The following TRIM44 variants were observed in gnomAD, a reference collection of about 807,000 sequenced individuals.
TRIM44 encodes tripartite motif-containing protein 44.
Under a neutral mutation model 37.4 loss-of-function variants are expected in TRIM44, and 13 were observed. The ratio of observed to expected loss-of-function variants is 0.35; its 90% CI spans 0.23 to 0.55. The LOEUF (loss-of-function observed/expected upper bound fraction) is 0.55, where lower values mean the gene tolerates loss of function less well. Ranked by LOEUF, TRIM44 falls within the 20% of genes least tolerant of loss-of-function variation. The pLI, the probability that TRIM44 is intolerant of heterozygous loss-of-function variation, is 0.89. For missense variants in TRIM44, 426 were observed against 437.2 expected, an observed-to-expected ratio of 0.97 and a Z score of 0.23; for synonymous variants, 175 against 157.2, an observed-to-expected ratio of 1.11 and a Z score of -0.85.
chr11:35,780,960 C>A (rs1032080216), intron 4 of TRIM44, among the ~76,000 whole-genome samples: 3 of 152,136 alleles, frequency 2.0e-5, no homozygotes, highest in Non-Finnish European at 2.9e-5. Flanking sequence ...GAATTTAACT[C>A]TAGTGGGAAG....
intron 4 of TRIM44, among the ~76,000 whole-genome samples, chr11:35,780,606 A>G (rs1257709060): frequency 6.6e-6 from 1 of 152,214 alleles, no homozygotes; most frequent in African/African-American, 2.4e-5. Context: ...CACTAAACAG[A>G]TGACAAACCG....
rs377765849 is a variant in TRIM44 at position 35,807,695 on chromosome 11, G to T, written c.*1310G>T. On this transcript the variant is annotated 3_prime_UTR_variant, in exon 5 of 5. Coordinates refer to ENST00000299413, the MANE Select transcript of TRIM44 (RefSeq NM_017583.6). Reference sequence around the variant, plus strand: ...ATTTTTATATAAAAGTTATATTATAGAATAAAATGTTCATACGCATAGACT... The same window carrying T: ...ATTTTTATATAAAAGTTATATTATATAATAAAATGTTCATACGCATAGACT... 5 of 152,160 alleles carry T rather than the reference G, an allele frequency of 3.3e-5. No individual in the cohort carries two copies. The East Asian group carries it at 9.6e-4, about 29-fold the overall frequency. The allele number at this position is 152,160 out of a possible 1,614,324, so 9.4% of individuals were successfully genotyped here.
At chr11:35,792,037 G>T (rs1157917495) in intron 4 of TRIM44, among the ~76,000 whole-genome samples, 1 of 148,306 alleles carries the variant, frequency 6.7e-6, no homozygotes, top group Admixed American at 6.9e-5. Context: ...TTAAGAGGTA[G>T]ATCTTAATAC....
intron 3 of TRIM44, among the ~76,000 whole-genome samples, chr11:35,726,735 T>C (rs1366098207): frequency 2.6e-5 from 4 of 151,930 alleles, no homozygotes; most frequent in Non-Finnish European, 4.4e-5. Context: ...GTTGAATCAC[T>C]ATACAAATGT....
intron 4 of TRIM44, among the ~76,000 whole-genome samples, chr11:35,755,124 G>C (rs934049818): frequency 6.6e-5 from 10 of 152,322 alleles, no homozygotes; most frequent in Non-Finnish European, 1.2e-4. Flanking sequence ...CCCACCAACA[G>C]TGTAAAAGTG....
intron 4 of TRIM44, among the ~76,000 whole-genome samples, chr11:35,750,731 G>T (rs1852549680): frequency 6.6e-6 from 1 of 152,082 alleles, no homozygotes; most frequent in Non-Finnish European, 1.5e-5. Context: ...AGGGTATAAA[G>T]AAAATGTAGA....
chr11:35,773,467 A>G (rs1016677320), intron 4 of TRIM44, among the ~76,000 whole-genome samples: 6 of 152,000 alleles, frequency 3.9e-5, no homozygotes, highest in African/African-American at 1.4e-4. Context: ...TTTGCTGTAC[A>G]GAAGCTCTTT....
rs917653817 is a variant in TRIM44, at chr11:35,663,099, T to C, written c.-13T>C. ...CCGGGGCCCCGAGGCCTTGGCCGCG[T>C]CACAGCACCCACATGGCCTCTGGAG... On this transcript the variant is annotated 5_prime_UTR_variant, in exon 1 of 5. Coordinates refer to ENST00000299413, the MANE Select transcript of TRIM44 (RefSeq NM_017583.6). 1 of 1,501,462 alleles carries C rather than the reference T, an allele frequency of 6.7e-7. No individual in the cohort carries two copies. Among genetic ancestry groups the C allele is most frequent in the Non-Finnish European group, 8.8e-7 (1 of 1,131,468 alleles). 93.0% of individuals were successfully genotyped at this position (1,501,462 alleles called of 1,614,324 possible). A position where few individuals can be genotyped will look rare whatever the true frequency, so the allele number is the denominator to read the frequency against.
At chr11:35,762,348 A>G (rs1208011966) in intron 4 of TRIM44, among the ~76,000 whole-genome samples, 1 of 152,128 alleles carries the variant, frequency 6.6e-6, no homozygotes, top group African/African-American at 2.4e-5. Flanking sequence ...TTCAAAGGTT[A>G]TATCCCTGTC....
intron 4 of TRIM44, among the ~76,000 whole-genome samples, chr11:35,752,495 C>T (rs1005856708): frequency 6.6e-6 from 1 of 151,598 alleles, no homozygotes; most frequent in Non-Finnish European, 1.5e-5. Context: ...GTGGTTCTCC[C>T]CCTCCCTCAC....
At position 35,663,252 on chromosome 11, in the gene TRIM44, G is replaced by A. The variant is rs757375154; in HGVS notation, c.141G>A (p.Ala47=). 6.2e-7 allele frequency: 1 copy of A among 1,609,542 alleles called. No individual in the cohort carries two copies. Among genetic ancestry groups the A allele is most frequent in the Non-Finnish European group, 8.5e-7 (1 of 1,176,460 alleles). Residue 47 remains alanine (A), a synonymous_variant, in exon 1 of 5, where the codon GCG becomes GCA. Coordinates refer to ENST00000299413, the MANE Select transcript of TRIM44 (RefSeq NM_017583.6). ...GFCYCRRHAE[A]HRQKFLSHHL... ...GCTACTGCCGCCGCCATGCCGAGGC[G>A]CACAGGCAGAAGTTCCTCAGTCACC...
rs1464280310 is a variant in TRIM44, at chr11:35,742,814, TATA to T, written c.1007+7373_1007+7375del. Among the ~76,000 whole-genome samples the T allele has an allele frequency of 2.0e-4, 29 of 142,938 alleles. 1 individual carries two copies. Among genetic ancestry groups the T allele is most frequent in the African/African-American group, 6.4e-4 (25 of 38,962 alleles). The allele number at this position is 142,938 out of a possible 152,430, so 93.8% of individuals were successfully genotyped here. On this transcript the variant is annotated intron_variant, in intron 4 of 4. Coordinates refer to ENST00000299413, the MANE Select transcript of TRIM44 (RefSeq NM_017583.6). The stretch of plus-strand genomic sequence containing the variant: ...ATTATATTAATATATTAAATATAAT[TATA>T]ATATTAATTATACATTAATATCATT...
intron 4 of TRIM44, among the ~76,000 whole-genome samples, chr11:35,790,563 G>T (rs200937115): frequency 4.0e-5 from 6 of 148,184 alleles, no homozygotes. Flanking sequence ...ATGTTTTTAT[G>T]TGTTTTGGGT....
chr11:35,685,134 G>A (rs949612645), intron 1 of TRIM44, 125 bp from the exon 2 acceptor site: 1 of 703,362 alleles, frequency 1.4e-6, no homozygotes, highest in African/African-American at 1.8e-5. Context: ...CCTCTCCTTT[G>A]TTGTTTAGCT....
chr11:35,720,909 CTTTT>C (rs549626841), intron 2 of TRIM44, among the ~76,000 whole-genome samples: 1 of 138,014 alleles, frequency 7.2e-6, no homozygotes, highest in African/African-American at 2.6e-5. Context: ...GTATATAATT[CTTTT>C]TTTTTTTTTT....
intron 1 of TRIM44, among the ~76,000 whole-genome samples, chr11:35,664,021 G>T (rs1258037506): frequency 6.6e-6 from 1 of 152,096 alleles, no homozygotes; most frequent in African/African-American, 2.4e-5. Context: ...CTAGAAAATT[G>T]CAAGTTTCTG....
At chr11:35,730,186 T>C (rs1852237767) in intron 3 of TRIM44, among the ~76,000 whole-genome samples, 1 of 152,158 alleles carries the variant, frequency 6.6e-6, no homozygotes, top group African/African-American at 2.4e-5. Flanking sequence ...AATGAAAATT[T>C]TAGAACTGAA....
At chr11:35,738,279 T>C (rs1236102083) in intron 4 of TRIM44, among the ~76,000 whole-genome samples, 1 of 152,202 alleles carries the variant, frequency 6.6e-6, no homozygotes, top group Non-Finnish European at 1.5e-5. Context: ...TTAAAGATAC[T>C]GTTCAGTGTG....
Position 35,806,697 on chromosome 11 carries a change from A to G in TRIM44, c.*312A>G, listed in dbSNP as rs146748492. ...AACTTACTCAGGAAAGCCAGCCCCC[A>G]TAATATTGTATTACCAAACAGTATC... On this transcript the variant is annotated 3_prime_UTR_variant, in exon 5 of 5. Transcript: ENST00000299413. 6.3e-5 allele frequency: 20 copies of G among 317,272 alleles called. No homozygotes were observed. The East Asian group carries it at 1.1e-3, about 18-fold the overall frequency. 19.7% of individuals were successfully genotyped at this position (317,272 alleles called of 1,614,324 possible).
Sources: allele counts gnomAD v4.1 joint callset (sites outside exome capture counted in the v4.1 genomes callset), GRCh38; gene constraint gnomAD v4.1.1; transcripts MANE v1.5; gene names NCBI Gene and HGNC (gene_info 2026-07-23, HGNC 2026-07-21).